The following CLEC1A variants were observed in gnomAD, a reference collection of about 807,000 sequenced individuals.
CLEC1A encodes C-type lectin domain family 1 member A.
A neutral mutation model predicts 28.7 loss-of-function variants in CLEC1A; 34 were observed. The ratio of observed to expected loss-of-function variants is 1.18; its 90% CI spans 0.90 to 1.57. The LOEUF (loss-of-function observed/expected upper bound fraction) is 1.57. Ranked by LOEUF, CLEC1A falls within the 40% of genes most tolerant of loss-of-function variation. The pLI, the probability that CLEC1A is intolerant of heterozygous loss-of-function variation, is 0.00. For missense variants in CLEC1A, 385 were observed against 339.5 expected, an observed-to-expected ratio of 1.13 and a Z score of -1.05; for synonymous variants, 116 against 121.0, an observed-to-expected ratio of 0.96 and a Z score of 0.27.
chr12:10,098,744 G>T, intron 1 of CLEC1A, 64 bp downstream of exon 1: 1 of 985,434 alleles, frequency 1.0e-6, no homozygotes, highest in Non-Finnish European at 1.5e-6. Context: ...TTTCTAGGAG[G>T]GATAGATCAT....
In CLEC1A at chr12:10,070,136, AGGAGCAGCTAC is replaced by A. The variant is rs1866094948; in HGVS notation, c.*1186_*1196del. ...GTCTCAAGAAAGAAGTGCCTCACAA[AGGAGCAGCTAC>A]AAAGATGTCACTGTCTCTGTTCATT... On this transcript the variant is annotated 3_prime_UTR_variant, in exon 6 of 6. Coordinates refer to ENST00000315330, the MANE Select transcript of CLEC1A (RefSeq NM_016511.4). 1 of 152,200 alleles carries A rather than the reference AGGAGCAGCTAC, an allele frequency of 6.6e-6. No homozygotes were observed. The allele number at this position is 152,200 out of a possible 1,614,324, so 9.4% of individuals were successfully genotyped here. A position where few individuals can be genotyped will look rare whatever the true frequency, so the allele number is the denominator to read the frequency against.
intron 3 of CLEC1A, among the ~76,000 whole-genome samples, chr12:10,076,674 G>A (rs1866258987): frequency 6.6e-6 from 1 of 152,102 alleles, no homozygotes; most frequent in South Asian, 2.1e-4. Flanking sequence ...GAACAAGAAT[G>A]GGAATGATGC....
chr12:10,077,367 A>G (rs1158836597), intron 3 of CLEC1A, among the ~76,000 whole-genome samples: 1 of 152,036 alleles, frequency 6.6e-6, no homozygotes, highest in African/African-American at 2.4e-5. Context: ...AGATACATAT[A>G]CCCTCCATTC....
chr12:10,089,631 G>T (rs1006427426), intron 1 of CLEC1A, among the ~76,000 whole-genome samples: 1 of 151,894 alleles, frequency 6.6e-6, no homozygotes, highest in Non-Finnish European at 1.5e-5. Context: ...CATAATCAGG[G>T]GAAAGATGAA....
At chr12:10,072,546 A>G (rs759805090) in intron 5 of CLEC1A, among the ~76,000 whole-genome samples, 35 of 152,060 alleles carry the variant, frequency 2.3e-4, no homozygotes, top group East Asian at 1.9e-4. Flanking sequence ...CTCTTATGCT[A>G]TCTCTGGGTA....
intron 1 of CLEC1A, among the ~76,000 whole-genome samples, chr12:10,090,384 G>A (rs924431064): frequency 1.3e-5 from 2 of 152,068 alleles, no homozygotes; most frequent in African/African-American, 2.4e-5. Context: ...CTGAGGAGCC[G>A]GAACTACAGG....
chr12:10,074,658 C>T lies in CLEC1A; in HGVS notation c.543+846G>A, dbSNP rs1333849982. On this transcript the variant is annotated intron_variant, in intron 4 of 5. Transcript: ENST00000315330. ...TGTCTTAGTCAAAGAAATTGCCTCG[C>T]TTTCTGCCTAAATTAAGCCATCGAG... 3.9e-5 allele frequency among the ~76,000 whole-genome samples: 6 copies of T among 152,196 alleles called. No homozygotes were observed. In the East Asian group the frequency reaches 7.7e-4, roughly 20 times the overall value.
At chr12:10,095,680 G>C (rs1396137418) in intron 1 of CLEC1A, among the ~76,000 whole-genome samples, 1 of 152,044 alleles carries the variant, frequency 6.6e-6, no homozygotes, top group Non-Finnish European at 1.5e-5. Flanking sequence ...AATCATTTTA[G>C]TCTTCCTTTC....
intron 2 of CLEC1A, among the ~76,000 whole-genome samples, chr12:10,085,890 T>C (rs551423025): frequency 3.3e-5 from 5 of 152,328 alleles, no homozygotes; most frequent in African/African-American, 1.2e-4. Context: ...ATGCATTCTT[T>C]TTATGAGCAC....
Position 10,070,929 on chromosome 12 carries a change from A to G in CLEC1A, c.*404T>C, listed in dbSNP as rs1413821577. The G allele has an allele frequency of 6.5e-6, 1 of 154,956 alleles. No individual in the cohort carries two copies. Among genetic ancestry groups the G allele is most frequent in the East Asian group, 1.9e-4 (1 of 5,264 alleles). 9.6% of individuals were successfully genotyped at this position (154,956 alleles called of 1,614,324 possible). On this transcript the variant is annotated 3_prime_UTR_variant, in exon 6 of 6. Transcript: ENST00000315330. ...GGAAGTGACTGCCAATTTCTGATGG[A>G]CTACTTGACTGTCAGAGAAAAGGAT...
chr12:10,095,237 A>G (rs1947761405), intron 1 of CLEC1A, among the ~76,000 whole-genome samples: 1 of 152,210 alleles, frequency 6.6e-6, no homozygotes, highest in Non-Finnish European at 1.5e-5. Context: ...GAAATTCAAT[A>G]GTACTGTAAT....
intron 3 of CLEC1A, among the ~76,000 whole-genome samples, chr12:10,080,908 T>A (rs1442494087): frequency 6.6e-6 from 1 of 152,236 alleles, no homozygotes; most frequent in Non-Finnish European, 1.5e-5. Flanking sequence ...GCTTACTTCT[T>A]ACTAGGAAAG....
In CLEC1A at chr12:10,071,251, T is replaced by G; in HGVS notation, c.*82A>C. The stretch of plus-strand genomic sequence containing the variant: ...TCAGAGAGATAGTCTTTCCTGATTA[T>G]GTTCCATTTCCCAATGTCTCAACTA... On this transcript the variant is annotated 3_prime_UTR_variant, in exon 6 of 6. Transcript: ENST00000315330. 7.8e-7 allele frequency: 1 copy of G among 1,287,954 alleles called. No individual in the cohort carries two copies. Among genetic ancestry groups the G allele is most frequent in the Non-Finnish European group, 1.1e-6 (1 of 920,182 alleles). 79.8% of individuals were successfully genotyped at this position (1,287,954 alleles called of 1,614,324 possible).
At chr12:10,075,366 G>A (rs1866227946) in intron 4 of CLEC1A, 138 bp downstream of exon 4, 2 of 793,152 alleles carry the variant, frequency 2.5e-6, no homozygotes, top group African/African-American at 1.7e-5. Context: ...AAAGCAATAG[G>A]AATAAGACTC....
intron 1 of CLEC1A, among the ~76,000 whole-genome samples, chr12:10,090,299 T>G (rs570274179): frequency 6.6e-6 from 1 of 152,200 alleles, no homozygotes; most frequent in African/African-American, 2.4e-5. Flanking sequence ...TTTTCCAGGC[T>G]GGAGTGCAGT....
intron 1 of CLEC1A, 121 bp downstream of exon 1, chr12:10,098,687 G>A (rs1194487417): frequency 4.8e-6 from 3 of 628,742 alleles, no homozygotes; most frequent in East Asian, 5.7e-5. Context: ...ATGTCACAGG[G>A]CGAGTAATTG....
Position 10,081,430 on chromosome 12 carries a change from A to C in CLEC1A, c.215-17T>G, listed in dbSNP as rs1393968355. 1.9e-6 allele frequency: 3 copies of C among 1,580,370 alleles called. No individual in the cohort carries two copies. The highest frequency in any genetic ancestry group is 2.6e-6 in the Non-Finnish European group (3 of 1,164,424). The stretch of plus-strand genomic sequence containing the variant: ...ACTGAAAAACTAACCCAAATGACCA[A>C]GTCAGACTGGACAGCTTATTTCTAT... On this transcript the variant is annotated splice_polypyrimidine_tract_variant and intron_variant, in intron 2 of 5. Coordinates refer to ENST00000315330, the MANE Select transcript of CLEC1A (RefSeq NM_016511.4).
intron 3 of CLEC1A, among the ~76,000 whole-genome samples, chr12:10,079,223 A>G (rs77048296): frequency 0.03 from 4,555 of 152,256 alleles, 226 homozygotes; most frequent in African/African-American, 0.1. Context: ...TAAATACTCC[A>G]ACCACACTGG....
intron 3 of CLEC1A, among the ~76,000 whole-genome samples, chr12:10,078,707 G>A (rs1160913524): frequency 6.6e-6 from 1 of 152,114 alleles, no homozygotes; most frequent in Non-Finnish European, 1.5e-5. Context: ...GGAAATGCTG[G>A]TTGATATAGT....
Sources: allele counts gnomAD v4.1 joint callset (sites outside exome capture counted in the v4.1 genomes callset), GRCh38; gene constraint gnomAD v4.1.1; transcripts MANE v1.5; gene names NCBI Gene and HGNC (gene_info 2026-07-23, HGNC 2026-07-21).